Variants in ITPRIPL1 observed in about 807,000 individuals in gnomAD.
The protein encoded by ITPRIPL1 is inositol 1,4,5-trisphosphate receptor-interacting protein-like 1.
Under a neutral mutation model 40.0 loss-of-function variants are expected in ITPRIPL1, and 28 were observed. The ratio of observed to expected loss-of-function variants is 0.70; its 90% CI spans 0.52 to 0.96. The LOEUF (loss-of-function observed/expected upper bound fraction) is 0.96. Among genes scored for constraint, ITPRIPL1 ranks in the 40% least tolerant of loss-of-function variants. The pLI, the probability that ITPRIPL1 is intolerant of heterozygous loss-of-function variation, is 0.00. For missense variants in ITPRIPL1, 638 were observed against 698.0 expected (o/e 0.91, Z 0.97); for synonymous variants, 251 against 275.7 (o/e 0.91, Z 0.89).
At chr2:96,326,613 CACT>C (rs761748980) in intron 2 of ITPRIPL1, 26 bp from the exon 3 acceptor site, 1 of 1,613,844 alleles carries the variant, frequency 6.2e-7, no homozygotes, top group Admixed American at 1.7e-5. Context: ...GGAAGATGAC[CACT>C]GACTCCTACT....
At chr2:96,329,870 T>C (rs1185370492), downstream of ITPRIPL1, 2 of 152,148 alleles carry the variant, frequency 1.3e-5, no homozygotes, top group Non-Finnish European at 1.5e-5. Context: ...CTGTCCCCAC[T>C]GAACTTGACC....
chr2:96,325,686 G>T (rs972719238), intron 1 of ITPRIPL1, 61 bp from the exon 2 acceptor site: 3 of 720,186 alleles, frequency 4.2e-6, no homozygotes, highest in African/African-American at 3.5e-5. Flanking sequence ...AGTTATGAAT[G>T]GGGGGAGGGT....
chr2:96,327,342 C>A lies in ITPRIPL1; in HGVS notation c.711C>A (p.Ile237=). ...TCCATGAGACCCAGAAATTTGATAT[C>A]CTGGTGCCCATTGTCCCCCCACAGG... ...GTLHETQKFD[I]LVPIVPPQGT... The change falls in exon 3 of 3, where the codon ATC becomes ATA. Residue 237 remains isoleucine, a synonymous_variant. Transcript: ENST00000439118. 6.2e-7 allele frequency: 1 copy of A among 1,614,156 alleles called. No homozygotes were observed. The highest frequency in any genetic ancestry group is 8.5e-7 in the Non-Finnish European group (1 of 1,180,030).
downstream of ITPRIPL1, chr2:96,329,149 T>TTATATATATATATATATA (rs57173953): frequency 1.2e-5 from 1 of 85,192 alleles, no homozygotes; most frequent in Non-Finnish European, 2.1e-5. Context: ...AAAAAAAAAA[T>TTATATATATATATATATA]TATATATATA....
chr2:96,329,685 A>G (rs185215983), downstream of ITPRIPL1: 1 of 152,200 alleles, frequency 6.6e-6, no homozygotes, highest in East Asian at 1.9e-4. Flanking sequence ...GAAACAGTCC[A>G]ACTCTAAAAT....
chr2:96,327,215 A>G lies in ITPRIPL1; in HGVS notation c.584A>G (p.Asp195Gly). The G allele has an allele frequency of 6.2e-7, 1 of 1,614,118 alleles. No homozygotes were observed. Among genetic ancestry groups the G allele is most frequent in the East Asian group, 2.2e-5 (1 of 44,864 alleles). The change falls in exon 3 of 3, where the codon GAT becomes GGT. Residue 195 changes from aspartate (D) to glycine (G), a missense_variant. Physicochemically the swap from Asp to Gly is moderately conservative, Grantham distance 94. Transcript: ENST00000439118. ...TGTGAGTTTGTGGAGAGTTTTGTGG[A>G]TGATCTCATTGAGGCCTGTCGGGTG... ...CTCEFVESFV[D>G]DLIEACRVLS... is the part of the protein sequence containing the mutation.
At position 96,325,868 on chromosome 2, in the gene ITPRIPL1, G is replaced by T. The variant is rs750043201; in HGVS notation, c.10+19G>T. The T allele has an allele frequency of 1.9e-6, 3 of 1,612,588 alleles. No individual in the cohort carries two copies. The highest frequency in any genetic ancestry group is 2.5e-6 in the Non-Finnish European group (3 of 1,178,960). On this transcript the variant is annotated intron_variant, in intron 2 of 2. Coordinates refer to ENST00000439118, the MANE Select transcript of ITPRIPL1 (RefSeq NM_001008949.3). Reference sequence around the variant, plus strand: ...AATGTTGGTAAGCGCGGTAGCTTGTGAATTAGGGTGAGTGGCAGAAGCTCG... The same window carrying T: ...AATGTTGGTAAGCGCGGTAGCTTGTTAATTAGGGTGAGTGGCAGAAGCTCG...
downstream of ITPRIPL1, chr2:96,330,453 A>G (rs1028965604): frequency 4.6e-5 from 7 of 152,114 alleles, no homozygotes; most frequent in Non-Finnish European, 1.0e-4. Flanking sequence ...TTTTGTTTAG[A>G]AAATTATTTG....
intron 2 of ITPRIPL1, chr2:96,326,367 C>T: frequency 6.6e-7 from 1 of 1,509,284 alleles, no homozygotes; most frequent in Non-Finnish European, 8.8e-7. Context: ...TGAAAACAGT[C>T]CCATGTACAC....
Position 96,326,946 on chromosome 2 carries a change from G to A in ITPRIPL1, c.315G>A (p.Leu105=). 6.2e-7 allele frequency: 1 copy of A among 1,614,240 alleles called. No homozygotes were observed. Among genetic ancestry groups the A allele is most frequent in the Non-Finnish European group, 8.5e-7 (1 of 1,180,036 alleles). ...AGGCCGATGGCCAGGAAGGGCCTCTGGGCTGGATGCTGGGAAACCTGTGGA... is the reference window on the plus strand; with the variant it reads ...AGGCCGATGGCCAGGAAGGGCCTCTAGGCTGGATGCTGGGAAACCTGTGGA... ...PFQADGQEGP[L]GWMLGNLWNT... is the part of the protein sequence containing the mutation. Residue 105 remains leucine (L), a synonymous_variant, in exon 3 of 3, where the codon CTG becomes CTA. Coordinates refer to ENST00000439118, the MANE Select transcript of ITPRIPL1 (RefSeq NM_001008949.3).
Position 96,326,610 on chromosome 2 carries a change from G to T in ITPRIPL1, c.11-32G>T. ...TAGAGAGCAGATAAGTCTGGAAGAT[G>T]ACCACTGACTCCTACTCTCCTACTT... On this transcript the variant is annotated intron_variant, in intron 2 of 2. Coordinates refer to ENST00000439118, the MANE Select transcript of ITPRIPL1 (RefSeq NM_001008949.3). 1.9e-6 allele frequency: 3 copies of T among 1,613,622 alleles called. No individual in the cohort carries two copies. In the South Asian group the frequency reaches 3.3e-5, roughly 18 times the overall value.
chr2:96,327,988 C>T lies in ITPRIPL1; in HGVS notation c.1357C>T (p.Leu453Phe). 24 of 1,614,180 alleles carry T rather than the reference C, an allele frequency of 1.5e-5. No individual in the cohort carries two copies. Among genetic ancestry groups the T allele is most frequent in the Non-Finnish European group, 1.9e-5 (23 of 1,180,032 alleles). Residue 453 changes from leucine to phenylalanine, a missense_variant, in exon 3 of 3, where the codon CTC becomes TTC. Transcript: ENST00000439118. ...ILTSYHFKTA[L>F]MHLLLRLPLT... ...CACTTCTTACCATTTTAAAACAGCT[C>T]TCATGCACCTCTTGCTACGGCTGCC...
chr2:96,327,667 TC>T lies in ITPRIPL1; in HGVS notation c.1037del (p.Ser346LeufsTer35). 6.2e-7 allele frequency: 1 copy of T among 1,613,374 alleles called. No homozygotes were observed. Among genetic ancestry groups the T allele is most frequent in the African/African-American group, 1.3e-5 (1 of 74,978 alleles). ...KYDFKLSLPP[S>X]TTSCKLRLDY... ...TGACTTTAAACTCAGTCTCCCACCG[TC>T]TACCACCTCCTGCAAGCTCCGGCTG... On this transcript the variant is annotated frameshift_variant, in exon 3 of 3. Coordinates refer to ENST00000439118, the MANE Select transcript of ITPRIPL1 (RefSeq NM_001008949.3). LOFTEE classifies it high-confidence loss of function.
rs1223581424 is a variant in ITPRIPL1 at position 96,326,594 on chromosome 2, G to A, written c.11-48G>A. 3.7e-6 allele frequency: 6 copies of A among 1,612,460 alleles called. No homozygotes were observed. The African/African-American group carries it at 8.0e-5, about 22-fold the overall frequency. ...TCTGGGGAATGTGAGCTAGAGAGCA[G>A]ATAAGTCTGGAAGATGACCACTGAC... is the stretch of plus-strand genomic sequence containing the variant. On this transcript the variant is annotated intron_variant, in intron 2 of 2. Transcript: ENST00000439118.
downstream of ITPRIPL1, chr2:96,329,394 G>A (rs2064145417): frequency 6.6e-6 from 1 of 151,616 alleles, no homozygotes; most frequent in South Asian, 2.1e-4. Flanking sequence ...CCTTTTTAAG[G>A]TGCCTGGAGG....
rs757656573 is a variant in ITPRIPL1, at chr2:96,326,726, G to A, written c.95G>A (p.Arg32Gln). 9.3e-6 allele frequency: 15 copies of A among 1,614,122 alleles called. No homozygotes were observed. Among genetic ancestry groups the A allele is most frequent in the African/African-American group, 1.3e-5 (1 of 74,934 alleles). Reference protein sequence around the residue: ...VVHHPLMVSDRMDLDTLARSR... With the variant: ...VVHHPLMVSDQMDLDTLARSR... ...CACCACCCTCTGATGGTCAGTGATC[G>A]GATGGACCTGGACACATTAGCCAGG... is the stretch of plus-strand genomic sequence containing the variant. Residue 32 changes from arginine (R) to glutamine (Q), a missense_variant, in exon 3 of 3, where the codon CGG (arginine) becomes CAG (glutamine). Transcript: ENST00000439118.
chr2:96,328,576 G>T, downstream of ITPRIPL1: 1 of 346,008 alleles, frequency 2.9e-6, no homozygotes, highest in Non-Finnish European at 5.3e-6. Flanking sequence ...GGAGGATCTT[G>T]CTGCTAAGGA....
downstream of ITPRIPL1, chr2:96,329,557 T>C (rs1252438212): frequency 9.8e-6 from 1 of 102,562 alleles, no homozygotes; most frequent in African/African-American, 2.9e-5. Flanking sequence ...GCCTCCTTTG[T>C]ATTTTTTTTT....
rs776541222 is a variant in ITPRIPL1, at chr2:96,327,404, T to G, written c.773T>G (p.Leu258Arg). 5 of 1,613,814 alleles carry G rather than the reference T, an allele frequency of 3.1e-6. No individual in the cohort carries two copies. The highest frequency in any genetic ancestry group is 4.2e-6 in the Non-Finnish European group (5 of 1,179,920). ...GTCCTGGAGATGAGGGACCCAGCCC[T>G]GGGCCGCCGCTGTGGCTGTGTGCTG... ...MFVLEMRDPA[L>R]GRRCGCVLVE... Residue 258 changes from leucine (L) to arginine (R), a missense_variant, in exon 3 of 3, where the codon CTG becomes CGG. By Grantham distance (102) the Leu-to-Arg change is moderately radical. Transcript: ENST00000439118.
Sources: allele counts gnomAD v4.1 joint callset, GRCh38; gene constraint gnomAD v4.1.1; transcripts MANE v1.5; gene names NCBI Gene and HGNC (gene_info 2026-07-23, HGNC 2026-07-21).